Variants in EEFSEC observed in about 807,000 individuals in gnomAD.
The protein encoded by EEFSEC is selenocysteine-specific elongation factor.
EEFSEC carries 43 observed loss-of-function variants against 42.1 expected under a neutral mutation model. The ratio of observed to expected loss-of-function variants is 1.02; its 90% CI spans 0.80 to 1.32. The LOEUF (loss-of-function observed/expected upper bound fraction) is 1.32. EEFSEC is among the 40% of genes most tolerant of loss of function. EEFSEC has a pLI of 0.00. For synonymous variants in EEFSEC, 354 were observed against 339.1 expected, an observed-to-expected ratio of 1.04 and a Z score of -0.48; for missense variants, 745 against 803.6, an observed-to-expected ratio of 0.93 and a Z score of 0.88.
At chr3:128,253,960 T>C (rs1228464406) in intron 2 of EEFSEC, among the ~76,000 whole-genome samples, 1 of 152,164 alleles carries the variant, frequency 6.6e-6, no homozygotes, top group Non-Finnish European at 1.5e-5. Flanking sequence ...GTCTCTTGTC[T>C]TTAAAAAAGA....
At chr3:128,285,469 G>A (rs893944871) in intron 4 of EEFSEC, among the ~76,000 whole-genome samples, 1 of 152,132 alleles carries the variant, frequency 6.6e-6, no homozygotes, top group African/African-American at 2.4e-5. Flanking sequence ...GCCTGTGAAA[G>A]AGATGGCTGG....
intron 4 of EEFSEC, among the ~76,000 whole-genome samples, chr3:128,330,620 C>T (rs1281818960): frequency 1.3e-5 from 2 of 152,062 alleles, no homozygotes; most frequent in African/African-American, 4.8e-5. Context: ...CTGGGCAGGG[C>T]AGCAGTGTTC....
chr3:128,279,672 A>T (rs1382473658), intron 4 of EEFSEC, among the ~76,000 whole-genome samples: 2 of 152,220 alleles, frequency 1.3e-5, no homozygotes, highest in African/African-American at 4.8e-5. Flanking sequence ...GTTGTATGCC[A>T]GTAGGAGCCA....
chr3:128,339,210 GC>G (rs1395325924), intron 4 of EEFSEC, among the ~76,000 whole-genome samples: 1 of 152,096 alleles, frequency 6.6e-6, no homozygotes, highest in Non-Finnish European at 1.5e-5. Flanking sequence ...CACTTTCTCT[GC>G]CCCCTGACCT....
chr3:128,209,550 C>A (rs2065734544), intron 1 of EEFSEC, among the ~76,000 whole-genome samples: 1 of 152,200 alleles, frequency 6.6e-6, no homozygotes, highest in Admixed American at 6.5e-5. Context: ...CTCTTACAGG[C>A]TCAATGCCAT....
intron 4 of EEFSEC, among the ~76,000 whole-genome samples, chr3:128,330,685 T>G (rs2067117428): frequency 6.6e-6 from 1 of 152,032 alleles, no homozygotes; most frequent in Non-Finnish European, 1.5e-5. Context: ...TTACTGACGC[T>G]TGGGAATCCG....
intron 4 of EEFSEC, among the ~76,000 whole-genome samples, chr3:128,273,462 C>T (rs1291887137): frequency 6.6e-6 from 1 of 152,206 alleles, no homozygotes; most frequent in East Asian, 1.9e-4. Flanking sequence ...CCCCTGCAGG[C>T]CTTTTTCCTG....
At chr3:128,250,911 G>GTTT (rs35594175) in intron 2 of EEFSEC, among the ~76,000 whole-genome samples, 80,415 of 107,986 alleles carry the variant, frequency 0.74, 30,549 homozygotes, top group East Asian at 0.92. Context: ...GTTTTTTTTG[G>GTTT]TTTTTTTTTT....
intron 1 of EEFSEC, among the ~76,000 whole-genome samples, chr3:128,190,544 A>T (rs1323960673): frequency 6.6e-6 from 1 of 152,222 alleles, no homozygotes; most frequent in Non-Finnish European, 1.5e-5. Flanking sequence ...AAGTTAAAAA[A>T]TTTTAAAGTT....
chr3:128,312,774 C>G (rs2066903645), intron 4 of EEFSEC, among the ~76,000 whole-genome samples: 1 of 152,232 alleles, frequency 6.6e-6, no homozygotes, highest in Non-Finnish European at 1.5e-5. Context: ...AGAAGGCCCT[C>G]TGCAATTTTT....
chr3:128,373,736 C>T (rs959610316), intron 6 of EEFSEC, among the ~76,000 whole-genome samples: 2 of 152,212 alleles, frequency 1.3e-5, no homozygotes, highest in Admixed American at 6.5e-5. Context: ...TTCATCCAGT[C>T]TCCTGTCCTT....
chr3:128,205,234 C>T (rs1453461166), intron 1 of EEFSEC, among the ~76,000 whole-genome samples: 1 of 152,192 alleles, frequency 6.6e-6, no homozygotes, highest in African/African-American at 2.4e-5. Context: ...TTATTGGACC[C>T]CTCCTCTGGG....
chr3:128,243,927 G>A (rs2066100105), intron 1 of EEFSEC, among the ~76,000 whole-genome samples: 1 of 152,228 alleles, frequency 6.6e-6, no homozygotes, highest in African/African-American at 2.4e-5. Flanking sequence ...CTTCCCTAAA[G>A]CCTCGACTTC....
downstream of EEFSEC, among the ~76,000 whole-genome samples, chr3:128,411,238 G>A (rs1258065591): frequency 6.6e-6 from 1 of 152,224 alleles, no homozygotes. Context: ...CGTCCCCCAG[G>A]ATGCCTTGGG....
chr3:128,416,589 C>G, the EEFSEC span, among the ~76,000 whole-genome samples: 1 of 152,244 alleles, frequency 6.6e-6, no homozygotes, highest in East Asian at 1.9e-4. Context: ...GGGGCTGTGA[C>G]AGAGTGGGAG....
chr3:128,334,497 G>A (rs2067168738), intron 4 of EEFSEC, among the ~76,000 whole-genome samples: 1 of 152,348 alleles, frequency 6.6e-6, no homozygotes, highest in Admixed American at 6.5e-5. Flanking sequence ...CAGTCCCAGC[G>A]TTTATCGTCC....
At chr3:128,400,915 C>T (rs1028101324) in intron 6 of EEFSEC, among the ~76,000 whole-genome samples, 13 of 152,190 alleles carry the variant, frequency 8.5e-5, no homozygotes, top group African/African-American at 3.1e-4. Flanking sequence ...CCAGCCTGGC[C>T]CTGGGAGAGT....
At chr3:128,309,978 TGGAGAA>T (rs1223233664) in intron 4 of EEFSEC, among the ~76,000 whole-genome samples, 4 of 152,208 alleles carry the variant, frequency 2.6e-5, no homozygotes, top group Non-Finnish European at 5.9e-5. Context: ...TAGACACACT[TGGAGAA>T]GGAAATCAAA....
chr3:128,210,458 A>G (rs889022953), intron 1 of EEFSEC, among the ~76,000 whole-genome samples: 2 of 152,226 alleles, frequency 1.3e-5, no homozygotes, highest in African/African-American at 4.8e-5. Flanking sequence ...AAATCTGTGC[A>G]TGACCCATGG....
Sources: gnomAD v4.1 joint callset for allele counts (sites outside exome capture counted in the v4.1 genomes callset) on GRCh38, gnomAD v4.1.1 for gene constraint, MANE v1.5 for transcripts, NCBI Gene and HGNC (gene_info 2026-07-23, HGNC 2026-07-21) for gene names.